The following CUL1 variants were observed in gnomAD, a reference collection of about 807,000 sequenced individuals.
CUL1 encodes cullin 1.
In CUL1, 24 loss-of-function variants were observed where a neutral mutation model predicts 118.0. The observed-to-expected ratio is 0.20, with a 90% confidence interval of 0.15 to 0.29. The LOEUF (loss-of-function observed/expected upper bound fraction) is 0.29, where lower values mean the gene tolerates loss of function less well. Among genes scored for constraint, CUL1 ranks in the 10% least tolerant of loss-of-function variants. The probability of loss-of-function intolerance (pLI) is 1.00; values close to 1 mark genes in which losing one functional copy is unlikely to be tolerated. For missense variants in CUL1, 361 were observed against 933.8 expected, an observed-to-expected ratio of 0.39 and a Z score of 7.99; for synonymous variants, 332 against 340.4, an observed-to-expected ratio of 0.98 and a Z score of 0.27.
intron 3 of CUL1, among the ~76,000 whole-genome samples, chr7:148,754,811 A>G (rs115518135): frequency 1.3e-5 from 2 of 151,246 alleles, no homozygotes; most frequent in Admixed American, 6.6e-5. Context: ...CAGTAGTGCA[A>G]TCATAGGTCA....
intron 12 of CUL1, among the ~76,000 whole-genome samples, 178 bp from the exon 13 acceptor site, chr7:148,786,811 A>G (rs1800830025): frequency 6.6e-6 from 1 of 152,196 alleles, no homozygotes; most frequent in African/African-American, 2.4e-5. Context: ...GAATTAAGGG[A>G]CTCACAAAAC....
intron 1 of CUL1, among the ~76,000 whole-genome samples, chr7:148,703,215 G>T (rs1797774101): frequency 6.6e-6 from 1 of 152,202 alleles, no homozygotes; most frequent in Non-Finnish European, 1.5e-5. Context: ...TCATTATGCA[G>T]AACTGTGATC....
At chr7:148,724,313 G>A (rs1798489166) in intron 1 of CUL1, among the ~76,000 whole-genome samples, 1 of 152,182 alleles carries the variant, frequency 6.6e-6, no homozygotes, top group African/African-American at 2.4e-5. Flanking sequence ...TGGAATAACA[G>A]TCTTTTCTGT....
At chr7:148,785,523 A>ATTT (rs1403951748) in intron 11 of CUL1, among the ~76,000 whole-genome samples, 3 of 132,944 alleles carry the variant, frequency 2.3e-5, no homozygotes, top group Admixed American at 7.6e-5. Flanking sequence ...CACCCGGCTA[A>ATTT]TTTTTTTTTT....
intron 11 of CUL1, among the ~76,000 whole-genome samples, 154 bp downstream of exon 11, chr7:148,784,231 A>C (rs781772373): frequency 3.3e-5 from 5 of 152,176 alleles, no homozygotes; most frequent in Non-Finnish European, 5.9e-5. Context: ...TTGCCGTTGA[A>C]AATCTGCATT....
chr7:148,757,459 C>A (rs1284563032), intron 4 of CUL1, among the ~76,000 whole-genome samples: 1 of 152,164 alleles, frequency 6.6e-6, no homozygotes, highest in Non-Finnish European at 1.5e-5. Flanking sequence ...CACTGAAAGT[C>A]CTGAGTCCTG....
At chr7:148,765,435 G>A (rs1453935983) in intron 7 of CUL1, among the ~76,000 whole-genome samples, 1 of 152,130 alleles carries the variant, frequency 6.6e-6, no homozygotes, top group Non-Finnish European at 1.5e-5. Context: ...TTTGAGACCA[G>A]CCTGAGCAAC....
At chr7:148,799,216 A>G (rs750949145) in intron 20 of CUL1, 59 bp from the exon 21 acceptor site, 19 of 1,323,378 alleles carry the variant, frequency 1.4e-5, no homozygotes, top group Middle Eastern at 2.2e-4. Context: ...GTCCTTAACT[A>G]TCAATACAAC....
At chr7:148,762,593 C>T (rs1003833937) in intron 7 of CUL1, among the ~76,000 whole-genome samples, 4 of 152,216 alleles carry the variant, frequency 2.6e-5, no homozygotes, top group African/African-American at 9.6e-5. Context: ...TTTAATATGA[C>T]AGTGTTGTAT....
At chr7:148,766,431 C>T (rs766656146) in intron 7 of CUL1, 130 bp from the exon 8 acceptor site, 42 of 781,682 alleles carry the variant, frequency 5.4e-5, no homozygotes, top group Non-Finnish European at 6.4e-5. Flanking sequence ...TTTTCTTAAT[C>T]GCATTTTATT....
chr7:148,768,378 C>CTTTTTTTTTTTTTTT (rs10595637), intron 9 of CUL1, among the ~76,000 whole-genome samples: 16 of 94,880 alleles, frequency 1.7e-4, no homozygotes, highest in African/African-American at 6.5e-4. Flanking sequence ...AAGAAAAGCT[C>CTTTTTTTTTTTTTTT]TTTTTTTTTT....
intron 7 of CUL1, among the ~76,000 whole-genome samples, chr7:148,763,595 G>A (rs1799908396): frequency 6.6e-6 from 1 of 152,160 alleles, no homozygotes; most frequent in African/African-American, 2.4e-5. Flanking sequence ...GATTAAGTGA[G>A]CTTTAGTATT....
At chr7:148,790,833 A>G (rs1313957985) in intron 16 of CUL1, among the ~76,000 whole-genome samples, 1 of 152,238 alleles carries the variant, frequency 6.6e-6, no homozygotes, top group Non-Finnish European at 1.5e-5. Context: ...TCCACCTTAC[A>G]CAGAGCACTT....
intron 9 of CUL1, among the ~76,000 whole-genome samples, chr7:148,773,394 A>G (rs1800285551): frequency 6.6e-6 from 1 of 152,074 alleles, no homozygotes; most frequent in Admixed American, 6.5e-5. Flanking sequence ...CCTTCTAGAA[A>G]GAGCTGACCT....
chr7:148,787,164 T>C lies in CUL1; in HGVS notation c.1479+44T>C. 1 of 1,605,386 alleles carries C rather than the reference T, an allele frequency of 6.2e-7. No individual in the cohort carries two copies. Among genetic ancestry groups the C allele is most frequent in the Non-Finnish European group, 8.5e-7 (1 of 1,174,990 alleles). On this transcript the variant is annotated intron_variant, in intron 13 of 21. Transcript: ENST00000325222. This position sits in a 1 kb window ranked among gnomAD's most constrained non-coding sequence, Gnocchi z 5.5. ...TGAAAAATCCCAGCTTCTGAGTCAT[T>C]ATTAAAACAGCTCTATGGCCGAGCG...
At chr7:148,782,456 AAAAT>A (rs767186184) in intron 9 of CUL1, among the ~76,000 whole-genome samples, 14 of 152,244 alleles carry the variant, frequency 9.2e-5, no homozygotes, top group Non-Finnish European at 1.9e-4. Flanking sequence ...TGGTAATTTT[AAAAT>A]ATTAAATATC....
At chr7:148,754,668 T>C (rs1245557016) in intron 3 of CUL1, among the ~76,000 whole-genome samples, 2 of 152,212 alleles carry the variant, frequency 1.3e-5, no homozygotes, top group East Asian at 3.8e-4. Flanking sequence ...GAAATAATTG[T>C]AAGGTTATTC....
chr7:148,758,921 C>T (rs1047650560), intron 4 of CUL1, among the ~76,000 whole-genome samples: 2 of 152,118 alleles, frequency 1.3e-5, no homozygotes, highest in Non-Finnish European at 2.9e-5. Context: ...TTTCTTGAGA[C>T]TCAAAAGTTG....
intron 2 of CUL1, among the ~76,000 whole-genome samples, chr7:148,738,855 A>G (rs1799046682): frequency 6.6e-6 from 1 of 152,018 alleles, no homozygotes; most frequent in East Asian, 1.9e-4. Context: ...TTTTTCTCCT[A>G]AAGATTAGTC....
Sources: gnomAD v4.1 joint callset for allele counts (sites outside exome capture counted in the v4.1 genomes callset) on GRCh38, gnomAD v4.1.1 for gene constraint, Gnocchi (gnomAD v3.1) non-coding constraint, MANE v1.5 for transcripts, NCBI Gene and HGNC (gene_info 2026-07-23, HGNC 2026-07-21) for gene names.